SORCS3: variants seen among roughly 807,000 people sequenced by gnomAD.
The protein encoded by SORCS3 is VPS10 domain-containing receptor SorCS3.
SORCS3 carries 57 observed loss-of-function variants against 146.3 expected under a neutral mutation model. The ratio of observed to expected loss-of-function variants is 0.39; its 90% CI spans 0.31 to 0.49. The LOEUF (loss-of-function observed/expected upper bound fraction) is 0.49, where lower values mean the gene tolerates loss of function less well. Ranked by LOEUF, SORCS3 falls within the 20% of genes least tolerant of loss-of-function variation. The probability of loss-of-function intolerance (pLI) is 0.92; values close to 1 mark genes in which losing one functional copy is unlikely to be tolerated. For synonymous variants in SORCS3, 653 were observed against 618.5 expected (o/e 1.06, Z -0.83); for missense variants, 1,341 against 1,575.5 (o/e 0.85, Z 2.52).
chr10:105,233,190 A>G (rs980890106), intron 20 of SORCS3, among the ~76,000 whole-genome samples: 3 of 152,120 alleles, frequency 2.0e-5, no homozygotes, highest in African/African-American at 7.2e-5. Context: ...CCCATTTTAA[A>G]TAACACTATA....
intron 2 of SORCS3, among the ~76,000 whole-genome samples, chr10:104,863,360 C>T (rs764288999): frequency 6.6e-6 from 1 of 152,056 alleles, no homozygotes; most frequent in Admixed American, 6.6e-5. Flanking sequence ...GATGCCATGT[C>T]TTGTTCTGGA....
chr10:105,197,712 A>G (rs1589684014), intron 14 of SORCS3, among the ~76,000 whole-genome samples: 2 of 152,320 alleles, frequency 1.3e-5, no homozygotes, highest in East Asian at 3.9e-4. Flanking sequence ...TTTATCTGGT[A>G]CTTATGTAAT....
At chr10:105,173,985 G>A (rs951458625) in intron 13 of SORCS3, among the ~76,000 whole-genome samples, 2 of 152,136 alleles carry the variant, frequency 1.3e-5, no homozygotes, top group African/African-American at 4.8e-5. Context: ...TTGTTTCCAT[G>A]ATATTTATTT....
At chr10:104,749,618 C>A (rs1256063459) in intron 1 of SORCS3, among the ~76,000 whole-genome samples, 1 of 152,058 alleles carries the variant, frequency 6.6e-6, no homozygotes, top group African/African-American at 2.4e-5. Context: ...AATCCATATC[C>A]CACAAATGAG....
At chr10:105,164,257 A>T in intron 11 of SORCS3, 46 bp from the exon 12 acceptor site, 2 of 1,465,502 alleles carry the variant, frequency 1.4e-6, no homozygotes, top group Non-Finnish European at 1.9e-6. Flanking sequence ...AAGCACACTT[A>T]ATTGGTAAAC....
intron 1 of SORCS3, among the ~76,000 whole-genome samples, chr10:104,758,832 A>G (rs1339103709): frequency 6.6e-6 from 1 of 152,182 alleles, no homozygotes; most frequent in African/African-American, 2.4e-5. Flanking sequence ...GCGGCCGGAC[A>G]GGGCTGATAT....
At chr10:104,790,706 C>T (rs1487902076) in intron 1 of SORCS3, among the ~76,000 whole-genome samples, 1 of 152,158 alleles carries the variant, frequency 6.6e-6, no homozygotes, top group Non-Finnish European at 1.5e-5. Context: ...TGGTGATTGA[C>T]AATTCAGCAG....
intron 23 of SORCS3, 47 bp downstream of exon 23, chr10:105,252,953 C>T: frequency 6.3e-7 from 1 of 1,588,476 alleles, no homozygotes; most frequent in Non-Finnish European, 8.5e-7. Flanking sequence ...CACCCTACAC[C>T]CTGAGAGGGC....
chr10:105,154,752 T>TACATACATGTGTAC (rs1473034000), intron 9 of SORCS3, among the ~76,000 whole-genome samples: 1 of 152,320 alleles, frequency 6.6e-6, no homozygotes, highest in Non-Finnish European at 1.5e-5. Flanking sequence ...AATATATGTG[T>TACATACATGTGTAC]ACATACATGT....
intron 2 of SORCS3, among the ~76,000 whole-genome samples, chr10:104,871,224 C>G (rs1447411593): frequency 1.4e-5 from 2 of 144,454 alleles, no homozygotes. Context: ...ATCTGTTTTA[C>G]AGACAAAGAA....
intron 1 of SORCS3, among the ~76,000 whole-genome samples, chr10:104,762,505 C>T (rs1170867834): frequency 6.6e-6 from 1 of 152,152 alleles, no homozygotes; most frequent in African/African-American, 2.4e-5. Flanking sequence ...AAAACCTAAG[C>T]CTCAGTGTTG....
At chr10:104,887,966 G>T (rs1181617240) in intron 2 of SORCS3, among the ~76,000 whole-genome samples, 2 of 117,740 alleles carry the variant, frequency 1.7e-5, no homozygotes, top group African/African-American at 8.7e-5. Flanking sequence ...GGGCGGGGGG[G>T]CGGGGGCGGA....
At chr10:104,913,965 C>T (rs1361634676) in intron 2 of SORCS3, among the ~76,000 whole-genome samples, 1 of 151,902 alleles carries the variant, frequency 6.6e-6, no homozygotes, top group Non-Finnish European at 1.5e-5. Context: ...GACGGGGTTT[C>T]ACCATCTTGG....
At chr10:104,647,171 C>A (rs183526663) in intron 1 of SORCS3, among the ~76,000 whole-genome samples, 16 of 152,276 alleles carry the variant, frequency 1.1e-4, no homozygotes, top group Middle Eastern at 3.4e-3. Context: ...GATCCAGAGT[C>A]CATTAGCCTG....
chr10:105,078,815 G>A (rs150635037), intron 5 of SORCS3, among the ~76,000 whole-genome samples: 10 of 152,318 alleles, frequency 6.6e-5, no homozygotes, highest in Non-Finnish European at 1.2e-4. Flanking sequence ...GCATAGAAAA[G>A]TTAAGCAAAT....
chr10:104,767,329 G>C (rs1437470948), intron 1 of SORCS3, among the ~76,000 whole-genome samples: 1 of 152,162 alleles, frequency 6.6e-6, no homozygotes, highest in South Asian at 2.1e-4. Flanking sequence ...AGGGTGGCAA[G>C]TCCTGCTTTG....
chr10:105,131,729 C>T (rs1333911038), intron 7 of SORCS3, among the ~76,000 whole-genome samples: 2 of 151,960 alleles, frequency 1.3e-5, no homozygotes, highest in East Asian at 1.9e-4. Context: ...CTTACAATTA[C>T]GGCGGAAGGT....
chr10:105,262,605 C>T (rs1291083345), intron 26 of SORCS3, 114 bp downstream of exon 26: 2 of 1,055,434 alleles, frequency 1.9e-6, no homozygotes, highest in South Asian at 4.2e-5. Context: ...CAACTACCTA[C>T]AGTGACAGAA....
intron 2 of SORCS3, among the ~76,000 whole-genome samples, chr10:104,861,540 T>C (rs1310335797): frequency 6.6e-6 from 1 of 152,206 alleles, no homozygotes; most frequent in East Asian, 1.9e-4. Flanking sequence ...TCCAGTAAGG[T>C]CTCATGACTT....
Sources: gnomAD v4.1 joint callset for allele counts (sites outside exome capture counted in the v4.1 genomes callset) on GRCh38, gnomAD v4.1.1 for gene constraint, MANE v1.5 for transcripts, NCBI Gene and HGNC (gene_info 2026-07-23, HGNC 2026-07-21) for gene names.